RPRD2: variants seen among roughly 807,000 people sequenced by gnomAD.
The protein encoded by RPRD2 is regulation of nuclear pre-mRNA domain-containing protein 2.
Under a neutral mutation model 104.4 loss-of-function variants are expected in RPRD2, and 12 were observed. That is an observed-to-expected ratio of 0.11 (90% confidence interval 0.07 to 0.19). RPRD2 has a LOEUF of 0.19. Among genes scored for constraint, RPRD2 ranks in the 10% least tolerant of loss-of-function variants. The pLI is 1.00. For synonymous variants in RPRD2, 714 were observed against 684.9 expected (o/e 1.04, Z -0.66); for missense variants, 1,543 against 1,790.1 (o/e 0.86, Z 2.49).
intron 9 of RPRD2, among the ~76,000 whole-genome samples, chr1:150,464,226 C>G (rs1052788507): frequency 6.6e-6 from 1 of 152,060 alleles, no homozygotes; most frequent in Admixed American, 6.6e-5. Context: ...TCAGGCTGGT[C>G]TCGAACTCCT....
intron 1 of RPRD2, among the ~76,000 whole-genome samples, chr1:150,378,871 C>T (rs587671293): frequency 1.3e-5 from 2 of 150,220 alleles, no homozygotes; most frequent in Non-Finnish European, 3.0e-5. Context: ...TAATCCCAAC[C>T]ACTTGGGAGG....
At chr1:150,420,853 TAAATA>T (rs1664713676) in intron 2 of RPRD2, among the ~76,000 whole-genome samples, 1 of 152,208 alleles carries the variant, frequency 6.6e-6, no homozygotes, top group South Asian at 2.1e-4. Context: ...AATGAATTAA[TAAATA>T]AAATGCATTT....
At position 150,472,937 on chromosome 1, in the gene RPRD2, C is replaced by A; in HGVS notation, c.3989C>A (p.Ser1330Tyr). Residue 1330 changes from serine to tyrosine, a missense_variant, in exon 11 of 11, where the codon TCC becomes TAC. This residue lies in a region of RPRD2 where 880 missense variants were observed against 885.6 expected (regional missense o/e 0.99). Coordinates refer to ENST00000369068, the MANE Select transcript of RPRD2 (RefSeq NM_015203.5). Reference sequence around the variant, plus strand: ...GCAGTATTTCCCAAGGACCATAGTTCCCTCCTTCAAGGGACCCTGGCTGAG... The same window carrying A: ...GCAGTATTTCCCAAGGACCATAGTTACCTCCTTCAAGGGACCCTGGCTGAG... ...AVAVFPKDHS[S>Y]LLQGTLAEHF... The A allele has an allele frequency of 6.2e-7, 1 of 1,613,524 alleles. No homozygotes were observed. Among genetic ancestry groups the A allele is most frequent in the Admixed American group, 1.7e-5 (1 of 59,978 alleles).
rs1015134191 is a variant in RPRD2, at chr1:150,436,452, T to C, written c.336-4471T>C. 2.4e-4 allele frequency among the ~76,000 whole-genome samples: 35 copies of C among 148,668 alleles called. No homozygotes were observed. The Admixed American group carries it at 2.4e-3, about 10-fold the overall frequency. ...CCGTCTCTACTAAAAATACAAAAAA[T>C]TAGCTGGGCGTGGTGGCAGGCGTCT... On this transcript the variant is annotated intron_variant, in intron 2 of 10. Transcript: ENST00000369068.
At chr1:150,381,641 A>T (rs1553880813) in intron 1 of RPRD2, among the ~76,000 whole-genome samples, 4 of 151,568 alleles carry the variant, frequency 2.6e-5, no homozygotes. Context: ...AGTAGCTGAG[A>T]CTACAGGCGC....
intron 1 of RPRD2, among the ~76,000 whole-genome samples, chr1:150,413,957 G>T (rs1251360400): frequency 6.6e-6 from 1 of 152,040 alleles, no homozygotes; most frequent in African/African-American, 2.4e-5. Context: ...GCCAGACATG[G>T]TGGCATGTGA....
Position 150,444,344 on chromosome 1 carries a change from G to A in RPRD2, c.661G>A (p.Val221Met). The change falls in exon 6 of 11, where the codon GTG (valine) becomes ATG (methionine). Residue 221 changes from valine to methionine, a missense_variant. Val to Met is a conservative substitution (Grantham distance 21). This residue lies in a region of RPRD2 where 572 missense variants were observed against 787.3 expected (regional missense o/e 0.73). Transcript: ENST00000369068. ...GCAGTTGTCAACTATGAGGGTGGAT[G>A]TGTGCAGCACAGAAACTCTCAAATG... ...EKQLSTMRVDVCSTETLKCLK... is the reference protein window; with the variant it reads ...EKQLSTMRVDMCSTETLKCLK... 1 of 1,613,900 alleles carries A rather than the reference G, an allele frequency of 6.2e-7. No individual in the cohort carries two copies. The highest frequency in any genetic ancestry group is 8.5e-7 in the Non-Finnish European group (1 of 1,179,828).
In RPRD2 at chr1:150,364,701, T is replaced by C. The variant is rs1309753011; in HGVS notation, c.-14T>C. On this transcript the variant is annotated 5_prime_UTR_variant, in exon 1 of 11. Transcript: ENST00000369068. ...GCCGCCAGAGGAGCAGCAGCGCTTG[T>C]GCAAACCGGGAAGATGGCGGCCGGC... 1 of 1,531,954 alleles carries C rather than the reference T, an allele frequency of 6.5e-7. No individual in the cohort carries two copies. 94.9% of individuals were successfully genotyped at this position (1,531,954 alleles called of 1,614,324 possible). A position where few individuals can be genotyped will look rare whatever the true frequency, so the allele number is the denominator to read the frequency against.
intron 1 of RPRD2, among the ~76,000 whole-genome samples, chr1:150,403,942 T>G (rs1360247490): frequency 1.3e-5 from 2 of 152,080 alleles, no homozygotes; most frequent in Admixed American, 6.6e-5. Flanking sequence ...TGGCCTCTTT[T>G]ACCCAATGTT....
intron 2 of RPRD2, among the ~76,000 whole-genome samples, chr1:150,425,928 T>C (rs1329139188): frequency 1.3e-5 from 2 of 151,850 alleles, no homozygotes; most frequent in African/African-American, 4.8e-5. Flanking sequence ...CTGGGCAACA[T>C]AGGGAGACCT....
At chr1:150,388,375 C>CTTATACACATGTATATACGT (rs33946912) in intron 1 of RPRD2, among the ~76,000 whole-genome samples, 8 of 142,962 alleles carry the variant, frequency 5.6e-5, no homozygotes, top group Non-Finnish European at 7.4e-5. Flanking sequence ...CATGTATACA[C>CTTATACACATGTATATACGT]ATATACACGT....
intron 1 of RPRD2, among the ~76,000 whole-genome samples, chr1:150,380,804 G>A (rs1388483935): frequency 6.6e-6 from 1 of 151,992 alleles, no homozygotes; most frequent in African/African-American, 2.4e-5. Flanking sequence ...ACAGGTGCTC[G>A]CTACCACGTC....
chr1:150,470,689 A>G lies in RPRD2; in HGVS notation c.1741A>G (p.Ser581Gly), dbSNP rs746260429. ...STIKGRNLPS[S>G]AQPFIPKSFN... is the part of the protein sequence containing the mutation. ...CATAAAGGGAAGAAATCTGCCCTCCAGTGCCCAACCTTTTATTCCCAAAAG... is the reference window on the plus strand; with the variant it reads ...CATAAAGGGAAGAAATCTGCCCTCCGGTGCCCAACCTTTTATTCCCAAAAG... Residue 581 changes from serine (S) to glycine (G), a missense_variant, in exon 11 of 11, where the codon AGT (serine) becomes GGT (glycine). Transcript: ENST00000369068. 5 of 1,614,078 alleles carry G rather than the reference A, an allele frequency of 3.1e-6. No individual in the cohort carries two copies. In the African/African-American group the frequency reaches 4.0e-5, roughly 13 times the overall value.
intron 1 of RPRD2, among the ~76,000 whole-genome samples, chr1:150,396,734 C>T (rs775521702): frequency 6.6e-6 from 1 of 152,026 alleles, no homozygotes; most frequent in Non-Finnish European, 1.5e-5. Flanking sequence ...CCCCACATAG[C>T]CAATGCAACA....
At chr1:150,415,122 C>G (rs981355399) in intron 1 of RPRD2, among the ~76,000 whole-genome samples, 3 of 152,048 alleles carry the variant, frequency 2.0e-5, no homozygotes, top group Admixed American at 2.0e-4. Context: ...GTCAGGATTT[C>G]AAGACCAGCC....
At position 150,443,378 on chromosome 1, in the gene RPRD2, A is replaced by G. The variant is rs74124684; in HGVS notation, c.567+95A>G. 1,419 of 885,656 alleles carry G rather than the reference A, an allele frequency of 1.6e-3. 12 individuals carry two copies. In the African/African-American group the frequency reaches 0.021, roughly 13 times the overall value. 54.9% of individuals were successfully genotyped at this position (885,656 alleles called of 1,614,324 possible). ...GTCCAATAAGATTTATCTGTATTCA[A>G]TTACACATGTCATGTTTTAAACATG... On this transcript the variant is annotated intron_variant, in intron 5 of 10. Coordinates refer to ENST00000369068, the MANE Select transcript of RPRD2 (RefSeq NM_015203.5).
chr1:150,447,671 G>A (rs1666877093), intron 7 of RPRD2, among the ~76,000 whole-genome samples: 2 of 152,106 alleles, frequency 1.3e-5, no homozygotes, highest in Admixed American at 6.6e-5. Context: ...AAGGGAGAGA[G>A]GTGATAAATG....
At position 150,441,008 on chromosome 1, in the gene RPRD2, T is replaced by C. The variant is rs782188912; in HGVS notation, c.421T>C (p.Leu141=). 18 of 1,562,288 alleles carry C rather than the reference T, an allele frequency of 1.2e-5. No individual in the cohort carries two copies. The South Asian group carries it at 1.8e-4, about 16-fold the overall frequency. Reference sequence around the variant, plus strand: ...ATACCCAGAAGAAATGATTGTGGCATTGAGAGAAGCTTTGAGTAAGTGTCT... The same window carrying C: ...ATACCCAGAAGAAATGATTGTGGCACTGAGAGAAGCTTTGAGTAAGTGTCT... ...NVYPEEMIVA[L]REALSTTFKT... is the part of the protein sequence containing the mutation. Residue 141 remains leucine (L), a synonymous_variant, in exon 3 of 11, where the codon TTG becomes CTG. Transcript: ENST00000369068.
intron 1 of RPRD2, among the ~76,000 whole-genome samples, chr1:150,380,737 C>T (rs782446249): frequency 2.6e-5 from 4 of 151,264 alleles, no homozygotes; most frequent in Non-Finnish European, 5.9e-5. Context: ...TCACTGCAAC[C>T]TCTGCCTCCT....
Sources: gnomAD v4.1 joint callset for allele counts (sites outside exome capture counted in the v4.1 genomes callset) on GRCh38, gnomAD v4.1.1 for gene constraint, gnomAD v4.1.1 regional missense constraint, MANE v1.5 for transcripts, NCBI Gene and HGNC (gene_info 2026-07-23, HGNC 2026-07-21) for gene names.